The following FER variants were observed in gnomAD, a reference collection of about 807,000 sequenced individuals.
FER encodes tyrosine-protein kinase Fer.
FER carries 63 observed loss-of-function variants against 111.0 expected under a neutral mutation model. The ratio of observed to expected loss-of-function variants is 0.57; its 90% CI spans 0.46 to 0.70. The LOEUF (loss-of-function observed/expected upper bound fraction) is 0.70. Among genes scored for constraint, FER ranks in the 30% least tolerant of loss-of-function variants. The pLI, the probability that FER is intolerant of heterozygous loss-of-function variation, is 0.00. For missense variants in FER, 914 were observed against 954.0 expected (o/e 0.96, Z 0.55); for synonymous variants, 327 against 313.9 (o/e 1.04, Z -0.44).
At chr5:108,964,328 T>G (rs182092101) in intron 13 of FER, among the ~76,000 whole-genome samples, 1 of 152,236 alleles carries the variant, frequency 6.6e-6, no homozygotes, top group African/African-American at 2.4e-5. Context: ...CCTAATGAAT[T>G]TTGGACAGAG....
intron 2 of FER, among the ~76,000 whole-genome samples, chr5:108,779,787 T>C (rs1414827254): frequency 6.6e-6 from 1 of 152,150 alleles, no homozygotes; most frequent in Non-Finnish European, 1.5e-5. Flanking sequence ...AAAATCTCCT[T>C]CTTATCTCAC....
chr5:109,075,259 C>T, intron 16 of FER, among the ~76,000 whole-genome samples: 1 of 152,040 alleles, frequency 6.6e-6, no homozygotes, highest in East Asian at 1.9e-4. Flanking sequence ...TCCATTAATA[C>T]CATTGCTTGC....
chr5:109,169,629 A>G (rs1756899888), intron 17 of FER, among the ~76,000 whole-genome samples: 2 of 152,302 alleles, frequency 1.3e-5, no homozygotes, highest in Admixed American at 1.3e-4. Context: ...AATACTGAAA[A>G]CTGTTTTCCA....
chr5:109,095,527 A>G (rs948342634), intron 16 of FER, among the ~76,000 whole-genome samples: 1 of 152,082 alleles, frequency 6.6e-6, no homozygotes, highest in East Asian at 1.9e-4. Context: ...TGTAGCAGCC[A>G]GTATCCTCTG....
intron 5 of FER, among the ~76,000 whole-genome samples, chr5:108,851,763 A>G (rs1220836597): frequency 6.6e-6 from 1 of 152,224 alleles, no homozygotes; most frequent in Middle Eastern, 3.2e-3. Context: ...ATTCAGATAT[A>G]GCCTACTTAA....
chr5:109,050,342 C>T (rs1391437207), intron 16 of FER, among the ~76,000 whole-genome samples: 1 of 152,074 alleles, frequency 6.6e-6, no homozygotes, highest in African/African-American at 2.4e-5. Flanking sequence ...CCGTATTGGC[C>T]CACACCACAA....
chr5:108,974,572 A>C (rs931758734), intron 13 of FER, among the ~76,000 whole-genome samples: 1 of 152,258 alleles, frequency 6.6e-6, no homozygotes, highest in African/African-American at 2.4e-5. Flanking sequence ...AATTGCTGGC[A>C]TCTGTGAATA....
At chr5:109,102,732 C>G (rs1282921144) in intron 17 of FER, among the ~76,000 whole-genome samples, 2 of 151,992 alleles carry the variant, frequency 1.3e-5, no homozygotes, top group Non-Finnish European at 2.9e-5. Flanking sequence ...ATGATATCTC[C>G]CAACTAGTGG....
At chr5:108,870,687 C>T (rs567666606) in intron 6 of FER, among the ~76,000 whole-genome samples, 4 of 152,066 alleles carry the variant, frequency 2.6e-5, no homozygotes, top group Non-Finnish European at 5.9e-5. Context: ...TCAGCATATG[C>T]AGGATAACCT....
At chr5:108,988,004 C>T (rs1230616558) in intron 13 of FER, among the ~76,000 whole-genome samples, 4 of 152,156 alleles carry the variant, frequency 2.6e-5, no homozygotes, top group Non-Finnish European at 4.4e-5. Context: ...TAATCACAAA[C>T]GGATGCTGAA....
chr5:109,127,241 G>A (rs17450490), intron 17 of FER, among the ~76,000 whole-genome samples: 58,254 of 151,940 alleles, frequency 0.38, 11,379 homozygotes, highest in Non-Finnish European at 0.41. Flanking sequence ...TTTTAAAACT[G>A]TCCACCTTTG....
intron 1 of FER, among the ~76,000 whole-genome samples, chr5:108,767,330 TA>T (rs1371702563): frequency 6.6e-6 from 1 of 152,038 alleles, no homozygotes; most frequent in African/African-American, 2.4e-5. Flanking sequence ...AATAAATAAA[TA>T]AAACATATGA....
At position 109,181,430 on chromosome 5, in the gene FER, CATT is replaced by C. The variant is rs1582423036; in HGVS notation, c.2203+530_2203+532del. On this transcript the variant is annotated intron_variant, in intron 18 of 19. Coordinates refer to ENST00000281092, the MANE Select transcript of FER (RefSeq NM_005246.4). Reference sequence around the variant, plus strand: ...TTTTTTCACTTGAATTTTTATGCGTCATTGTAATTGGAAATAAATATAACTTGC... The same window carrying C: ...TTTTTTCACTTGAATTTTTATGCGTCGTAATTGGAAATAAATATAACTTGC... 2.6e-5 allele frequency among the ~76,000 whole-genome samples: 4 copies of C among 151,730 alleles called. No individual in the cohort carries two copies. The East Asian group carries it at 7.7e-4, about 29-fold the overall frequency.
At chr5:108,983,995 C>T (rs1455420201) in intron 13 of FER, among the ~76,000 whole-genome samples, 1 of 152,108 alleles carries the variant, frequency 6.6e-6, no homozygotes, top group Non-Finnish European at 1.5e-5. Flanking sequence ...CCTGCTTTGC[C>T]TCTGGTGCTG....
chr5:109,065,582 C>T lies in FER; in HGVS notation c.1924+18384C>T, dbSNP rs573892302. ...TATTAAGGAAGGTAAATCAGCTGAG[C>T]TTGGTGGCTCATCCCGTAATCCTAG... On this transcript the variant is annotated intron_variant, in intron 16 of 19. Transcript: ENST00000281092. Among the ~76,000 whole-genome samples, 3 of 152,248 alleles carry T rather than the reference C, an allele frequency of 2.0e-5. No homozygotes were observed. The East Asian group carries it at 5.8e-4, about 29-fold the overall frequency.
At chr5:108,755,437 A>G (rs1343320940) in intron 1 of FER, among the ~76,000 whole-genome samples, 1 of 152,138 alleles carries the variant, frequency 6.6e-6, no homozygotes, top group East Asian at 1.9e-4. Context: ...TTAATTTCAC[A>G]TTCTACAAAG....
intron 13 of FER, among the ~76,000 whole-genome samples, chr5:108,998,514 TA>T (rs1190485280): frequency 3.9e-5 from 6 of 152,204 alleles, no homozygotes; most frequent in Non-Finnish European, 8.8e-5. Flanking sequence ...ATGAACCGGA[TA>T]CCTCAGTTAC....
intron 17 of FER, among the ~76,000 whole-genome samples, chr5:109,160,528 T>C (rs1180007760): frequency 6.6e-6 from 1 of 152,194 alleles, no homozygotes; most frequent in Non-Finnish European, 1.5e-5. Context: ...TTCCCTACTT[T>C]ATTCATTCTT....
chr5:109,072,980 G>A (rs1248501202), intron 16 of FER, among the ~76,000 whole-genome samples: 5 of 151,856 alleles, frequency 3.3e-5, no homozygotes, highest in African/African-American at 9.7e-5. Flanking sequence ...GTGTGTCTTC[G>A]TGTCTCTATA....
Sources: gnomAD v4.1 joint callset for allele counts (sites outside exome capture counted in the v4.1 genomes callset) on GRCh38, gnomAD v4.1.1 for gene constraint, MANE v1.5 for transcripts, NCBI Gene and HGNC (gene_info 2026-07-23, HGNC 2026-07-21) for gene names.